ZNF709: variants seen among roughly 807,000 people sequenced by gnomAD.
The protein encoded by ZNF709 is zinc finger protein 709.
Under a neutral mutation model 10.6 loss-of-function variants are expected in ZNF709, and 15 were observed. That is an observed-to-expected ratio of 1.41 (90% CI 0.95 to 2.18). The LOEUF is 2.18. ZNF709 is among the 30% of genes most tolerant of loss of function. The probability of loss-of-function intolerance (pLI) is 0.00; values close to 1 mark genes in which losing one functional copy is unlikely to be tolerated. For synonymous variants in ZNF709, 194 were observed against 238.8 expected (o/e 0.81, Z 1.73); for missense variants, 589 against 774.0 (o/e 0.76, Z 2.84).
rs1047276125 is a variant in ZNF709 at position 12,463,177 on chromosome 19, T to C, written c.*819A>G. ...ACATAAGGGAGTATCACATGAGCAT[T>C]TGTTAAAATGGAAAACATTGCTATA... is the stretch of plus-strand genomic sequence containing the variant. On this transcript the variant is annotated 3_prime_UTR_variant, in exon 4 of 4. Coordinates refer to ENST00000397732, the MANE Select transcript of ZNF709 (RefSeq NM_152601.4). The C allele has an allele frequency of 6.6e-6, 1 of 152,202 alleles. No individual in the cohort carries two copies. The highest frequency in any genetic ancestry group is 1.5e-5 in the Non-Finnish European group (1 of 68,032). The allele number at this position is 152,202 out of a possible 1,614,324, so 9.4% of individuals were successfully genotyped here. A position where few individuals can be genotyped will look rare whatever the true frequency, so the allele number is the denominator to read the frequency against.
intron 1 of ZNF709, among the ~76,000 whole-genome samples, chr19:12,483,178 T>C (rs1356739163): frequency 6.6e-6 from 1 of 152,178 alleles, no homozygotes; most frequent in Non-Finnish European, 1.5e-5. Context: ...GTGTGAGACC[T>C]TGCTCAGCCT....
chr19:12,469,076 G>A (rs1008000657), intron 1 of ZNF709, among the ~76,000 whole-genome samples: 3 of 152,242 alleles, frequency 2.0e-5, no homozygotes, highest in South Asian at 2.1e-4. Flanking sequence ...TCCTGACCTC[G>A]TGATCCGCCC....
At chr19:12,476,566 G>A (rs1346676418) in intron 1 of ZNF709, among the ~76,000 whole-genome samples, 2 of 152,158 alleles carry the variant, frequency 1.3e-5, no homozygotes, top group East Asian at 1.9e-4. Context: ...TGTGTTAAGA[G>A]AATGAAAAAG....
intron 1 of ZNF709, among the ~76,000 whole-genome samples, chr19:12,470,160 G>A (rs924076154): frequency 4.6e-5 from 7 of 152,182 alleles, no homozygotes; most frequent in Non-Finnish European, 1.0e-4. Context: ...GGTGGCATGA[G>A]ATCCCGACAC....
intron 1 of ZNF709, among the ~76,000 whole-genome samples, chr19:12,482,118 G>A (rs1970732910): frequency 1.3e-5 from 2 of 150,602 alleles, no homozygotes; most frequent in South Asian, 2.1e-4. Flanking sequence ...GGCCAACAAA[G>A]TGAGAACCCA....
chr19:12,468,136 G>A (rs1250158460), intron 1 of ZNF709, among the ~76,000 whole-genome samples: 7 of 150,474 alleles, frequency 4.7e-5, no homozygotes, highest in South Asian at 2.1e-4. Context: ...CTGCCTGGCC[G>A]CCCCTTCTGG....
intron 1 of ZNF709, 130 bp downstream of exon 1, chr19:12,484,525 G>A (rs1970761392): frequency 7.8e-7 from 1 of 1,289,572 alleles, no homozygotes; most frequent in East Asian, 2.5e-5. Flanking sequence ...GCCGAGCTGC[G>A]CCAGGAGGAC....
intron 1 of ZNF709, among the ~76,000 whole-genome samples, chr19:12,482,715 T>C (rs79884625): frequency 0.011 from 1,715 of 152,254 alleles, 30 homozygotes; most frequent in African/African-American, 0.039. Flanking sequence ...CCAACGTGCA[T>C]TCAGATCCCC....
At chr19:12,475,257 TAAAAAAAA>T (rs71166684) in intron 1 of ZNF709, among the ~76,000 whole-genome samples, 12 of 44,734 alleles carry the variant, frequency 2.7e-4, no homozygotes, top group East Asian at 9.6e-4. Flanking sequence ...GATTCCGTCT[TAAAAAAAA>T]AAAAAAAAAA....
chr19:12,476,454 T>G (rs564323171), intron 1 of ZNF709, among the ~76,000 whole-genome samples: 34 of 151,644 alleles, frequency 2.2e-4, no homozygotes, highest in African/African-American at 8.0e-4. Flanking sequence ...TAGGTGACCC[T>G]GGGTTTGGTG....
rs1026024585 is a variant in ZNF709, at chr19:12,483,511, C to T, written c.3+1144G>A. 5.3e-5 allele frequency among the ~76,000 whole-genome samples: 8 copies of T among 151,936 alleles called. 1 individual carries two copies. In the South Asian group the frequency reaches 1.7e-3, roughly 32 times the overall value. On this transcript the variant is annotated intron_variant, in intron 1 of 3. Transcript: ENST00000397732. ...TTCTTGCCTCTTTGGAAATATTTTA[C>T]ATCCACTCTAAAGGTTTATTTTATT...
chr19:12,472,078 A>T (rs944640283), intron 1 of ZNF709, among the ~76,000 whole-genome samples: 3 of 152,328 alleles, frequency 2.0e-5, no homozygotes, highest in African/African-American at 7.2e-5. Flanking sequence ...AGTCCTAGCT[A>T]CTCAGGAAGC....
At chr19:12,466,893 C>G (rs775267883) in intron 1 of ZNF709, 43 bp from the exon 2 acceptor site, 1 of 1,595,392 alleles carries the variant, frequency 6.3e-7, no homozygotes, top group South Asian at 1.1e-5. Context: ...GTGAGACTGA[C>G]AGCACTGGGG....
rs1568244345 is a variant in ZNF709 at position 12,462,116 on chromosome 19, A to AAG, written c.*1879_*1880insCT. ...AGAAAAGAAAGGGAAAGGGAAAGAA[A>AAG]GAAGGAAGGAAGGAAGGAAAATATG... On this transcript the variant is annotated 3_prime_UTR_variant, in exon 4 of 4. Transcript: ENST00000397732. 5.3e-5 allele frequency: 8 copies of AAG among 151,982 alleles called. No homozygotes were observed. Among genetic ancestry groups the AAG allele is most frequent in the Admixed American group, 3.9e-4 (6 of 15,216 alleles). 9.4% of individuals were successfully genotyped at this position (151,982 alleles called of 1,614,324 possible). A position where few individuals can be genotyped will look rare whatever the true frequency, so the allele number is the denominator to read the frequency against.
intron 1 of ZNF709, among the ~76,000 whole-genome samples, chr19:12,484,344 C>T (rs776042600): frequency 1.3e-5 from 2 of 152,212 alleles, no homozygotes; most frequent in Non-Finnish European, 2.9e-5. Flanking sequence ...GGGATTCCCT[C>T]CATGACCCTC....
Position 12,463,926 on chromosome 19 carries a change from CAAAAAAAAA to C in ZNF709, c.*61_*69del. 1.6e-5 allele frequency: 15 copies of C among 914,276 alleles called. No individual in the cohort carries two copies. The highest frequency in any genetic ancestry group is 3.1e-4 in the Middle Eastern group (1 of 3,206). The allele number at this position is 914,276 out of a possible 1,614,324, so 56.6% of individuals were successfully genotyped here. ...AGGGCAACAGAGTGAGAATTCAACT[CAAAAAAAAA>C]AAAAAAAAAAAAGGAAATAGGACAA... On this transcript the variant is annotated 3_prime_UTR_variant, in exon 4 of 4. Coordinates refer to ENST00000397732, the MANE Select transcript of ZNF709 (RefSeq NM_152601.4).
chr19:12,476,814 T>A (rs1332487420), intron 1 of ZNF709, among the ~76,000 whole-genome samples: 2 of 152,072 alleles, frequency 1.3e-5, no homozygotes, highest in Non-Finnish European at 2.9e-5. Context: ...AACATAAAGG[T>A]CTCTTATTTT....
intron 1 of ZNF709, among the ~76,000 whole-genome samples, chr19:12,475,569 G>A (rs1970669607): frequency 6.6e-6 from 1 of 152,072 alleles, no homozygotes; most frequent in Non-Finnish European, 1.5e-5. Flanking sequence ...TTTTTGAGAA[G>A]CAGTATTTAT....
At chr19:12,466,644 T>C (rs751901580) in intron 2 of ZNF709, 80 bp downstream of exon 2, 220 of 1,609,472 alleles carry the variant, frequency 1.4e-4, no homozygotes, top group Middle Eastern at 3.3e-4. Context: ...CTTTCAACAT[T>C]CTAAACCTTG....
Sources: gnomAD v4.1 joint callset for allele counts (sites outside exome capture counted in the v4.1 genomes callset) on GRCh38, gnomAD v4.1.1 for gene constraint, MANE v1.5 for transcripts, NCBI Gene and HGNC (gene_info 2026-07-23, HGNC 2026-07-21) for gene names.